Variants in ATF2 observed in about 807,000 individuals in gnomAD.
The protein encoded by ATF2 is activating transcription factor 2, also known as cyclic AMP-dependent transcription factor ATF-2.
A neutral mutation model predicts 60.6 loss-of-function variants in ATF2; 24 were observed. The observed-to-expected ratio is 0.40, with a 90% confidence interval of 0.29 to 0.56. The LOEUF is 0.56. Ranked by LOEUF, ATF2 falls within the 20% of genes least tolerant of loss-of-function variation. The pLI is 0.54. For synonymous variants in ATF2, 206 were observed against 215.4 expected (o/e 0.96, Z 0.38); for missense variants, 433 against 607.7 (o/e 0.71, Z 3.02).
chr2:175,083,719 G>A (rs1409416569), intron 12 of ATF2, among the ~76,000 whole-genome samples: 3 of 152,072 alleles, frequency 2.0e-5, no homozygotes, highest in African/African-American at 4.8e-5. Context: ...CCTACAAAAT[G>A]GAAGAAAATT....
At chr2:175,092,136 G>A (rs184460040) in intron 12 of ATF2, among the ~76,000 whole-genome samples, 4 of 152,254 alleles carry the variant, frequency 2.6e-5, no homozygotes, top group African/African-American at 7.2e-5. Context: ...TAAATGCTAT[G>A]TCTGATGCTA....
At chr2:175,139,545 G>T (rs1242825689) in intron 2 of ATF2, among the ~76,000 whole-genome samples, 1 of 151,798 alleles carries the variant, frequency 6.6e-6, no homozygotes. Flanking sequence ...GGTGGTTCAT[G>T]CCTGTAAATC....
At chr2:175,144,277 C>T (rs1698798421) in intron 2 of ATF2, among the ~76,000 whole-genome samples, 1 of 152,076 alleles carries the variant, frequency 6.6e-6, no homozygotes, top group African/African-American at 2.4e-5. Flanking sequence ...ATGACTTATT[C>T]GAGGTCAAAA....
rs1319846994 is a variant in ATF2 at position 175,097,640 on chromosome 2, C to A, written c.829-47G>T. On this transcript the variant is annotated intron_variant, in intron 10 of 13. Transcript: ENST00000264110. ...AAATTTTTTTTAAGTCCTTAAAGAT[C>A]ATCATGAATATCAACAAGACAAACA... 18 of 1,596,472 alleles carry A rather than the reference C, an allele frequency of 1.1e-5. 1 individual carries two copies. The Middle Eastern group carries it at 5.0e-4, about 44-fold the overall frequency.
rs541019791 is a variant in ATF2, at chr2:175,155,203, C to A, written c.-142-4045G>T. Among the ~76,000 whole-genome samples, 694 of 152,280 alleles carry A rather than the reference C, an allele frequency of 4.6e-3. 3 individuals are homozygous for A. Among genetic ancestry groups the A allele is most frequent in the African/African-American group, 0.016 (669 of 41,560 alleles). ...AGATGATCTGCCTACTTTCCCAGAG[C>A]CCTCATTCTCCCACTTTTCACAAGA... On this transcript the variant is annotated intron_variant, in intron 1 of 13. Transcript: ENST00000264110.
chr2:175,155,869 T>C (rs1490324010), intron 1 of ATF2, among the ~76,000 whole-genome samples: 2 of 152,188 alleles, frequency 1.3e-5, no homozygotes, highest in South Asian at 2.1e-4. Context: ...ACAGAAATTA[T>C]ATTTTTTTCA....
At chr2:175,132,562 T>C (rs1174950723) in intron 3 of ATF2, 4 of 152,234 alleles carry the variant, frequency 2.6e-5, no homozygotes, top group African/African-American at 9.6e-5. Flanking sequence ...ATCTATGTCA[T>C]AAGAAATAAC....
At chr2:175,090,240 C>T (rs1694453912) in intron 12 of ATF2, among the ~76,000 whole-genome samples, 1 of 152,112 alleles carries the variant, frequency 6.6e-6, no homozygotes. Flanking sequence ...GGGTATTTCA[C>T]ATAAATGGAA....
chr2:175,096,717 A>C (rs1694961848), intron 11 of ATF2, among the ~76,000 whole-genome samples: 1 of 152,182 alleles, frequency 6.6e-6, no homozygotes, highest in South Asian at 2.1e-4. Context: ...AAAATCAATA[A>C]TTTTTTAAGA....
intron 12 of ATF2, among the ~76,000 whole-genome samples, chr2:175,089,015 T>C (rs1417148590): frequency 6.6e-6 from 1 of 152,062 alleles, no homozygotes; most frequent in Non-Finnish European, 1.5e-5. Flanking sequence ...AACCCATCTC[T>C]ACTAAAAATA....
intron 10 of ATF2, among the ~76,000 whole-genome samples, chr2:175,099,477 A>T (rs1401722745): frequency 6.6e-6 from 1 of 152,258 alleles, no homozygotes; most frequent in East Asian, 1.9e-4. Context: ...TTTTACCACA[A>T]TAAAATCCTC....
In ATF2 at chr2:175,073,011, T is replaced by C. The variant is rs948559743; in HGVS notation, c.*1598A>G. 3.3e-5 allele frequency: 5 copies of C among 152,070 alleles called. No homozygotes were observed. The highest frequency in any genetic ancestry group is 7.4e-5 in the Non-Finnish European group (5 of 68,006). The allele number at this position is 152,070 out of a possible 1,614,324, so 9.4% of individuals were successfully genotyped here. A position where few individuals can be genotyped will look rare whatever the true frequency, so the allele number is the denominator to read the frequency against. ...GAGATGGCACTGAGACTTTAGCAAA[T>C]AGTGTAGTATGGATGCAGGACAAAC... On this transcript the variant is annotated 3_prime_UTR_variant, in exon 14 of 14. Coordinates refer to ENST00000264110, the MANE Select transcript of ATF2 (RefSeq NM_001880.4).
At chr2:175,157,324 T>C (rs1186524113) in intron 1 of ATF2, among the ~76,000 whole-genome samples, 6 of 152,080 alleles carry the variant, frequency 3.9e-5, no homozygotes, top group African/African-American at 1.4e-4. Context: ...TTGGCCCCCA[T>C]CCCCACTTCA....
At chr2:175,124,319 G>GC (rs1697175324) in intron 4 of ATF2, among the ~76,000 whole-genome samples, 1 of 150,944 alleles carries the variant, frequency 6.6e-6, no homozygotes, top group Non-Finnish European at 1.5e-5. Flanking sequence ...TAGGTGCCTA[G>GC]CAGGTAGCAA....
intron 10 of ATF2, among the ~76,000 whole-genome samples, chr2:175,099,927 A>G (rs931860596): frequency 6.6e-6 from 1 of 152,254 alleles, no homozygotes; most frequent in Non-Finnish European, 1.5e-5. Context: ...ATGATTCAAA[A>G]AACAATCATA....
intron 1 of ATF2, among the ~76,000 whole-genome samples, chr2:175,165,695 A>C (rs935823248): frequency 1.3e-5 from 2 of 152,220 alleles, no homozygotes; most frequent in Admixed American, 6.5e-5. Context: ...TTTGAGACGG[A>C]GTCTCGCTGT....
chr2:175,164,858 G>T (rs995040304), intron 1 of ATF2, among the ~76,000 whole-genome samples: 5 of 152,126 alleles, frequency 3.3e-5, no homozygotes, highest in Non-Finnish European at 5.9e-5. Context: ...TGAATTTTTT[G>T]GTTTTTGTTT....
intron 10 of ATF2, among the ~76,000 whole-genome samples, chr2:175,105,021 G>C (rs1695558498): frequency 6.6e-6 from 1 of 152,110 alleles, no homozygotes; most frequent in African/African-American, 2.4e-5. Flanking sequence ...AGAAAACTAT[G>C]TATCACTAAG....
chr2:175,108,349 G>A (rs1411584377), intron 10 of ATF2, among the ~76,000 whole-genome samples: 8 of 151,190 alleles, frequency 5.3e-5, no homozygotes, highest in African/African-American at 1.2e-4. Flanking sequence ...CCGGCCAGCC[G>A]CCTCGTCCGG....
Sources: allele counts gnomAD v4.1 joint callset (sites outside exome capture counted in the v4.1 genomes callset), GRCh38; gene constraint gnomAD v4.1.1; transcripts MANE v1.5; gene names NCBI Gene and HGNC (gene_info 2026-07-23, HGNC 2026-07-21).